The following ACTA2 variants were observed in gnomAD, a reference collection of about 807,000 sequenced individuals.
The protein encoded by ACTA2 is actin alpha 2, smooth muscle.
ACTA2 carries 12 observed loss-of-function variants against 39.5 expected under a neutral mutation model. The ratio of observed to expected loss-of-function variants is 0.30; its 90% confidence interval spans 0.19 to 0.49. The LOEUF (loss-of-function observed/expected upper bound fraction) is 0.49, where lower values mean the gene tolerates loss of function less well. Among genes scored for constraint, ACTA2 ranks in the 20% least tolerant of loss-of-function variants. The pLI, the probability that ACTA2 is intolerant of heterozygous loss-of-function variation, is 0.99. For missense variants in ACTA2, 236 were observed against 498.8 expected (o/e 0.47, Z 5.02); for synonymous variants, 158 against 180.6 (o/e 0.88, Z 1.00).
At chr10:88,939,738 C>T (rs774692456) in intron 6 of ACTA2, 40 bp from the exon 7 acceptor site, 1 of 1,609,412 alleles carries the variant, frequency 6.2e-7, no homozygotes, top group Admixed American at 1.7e-5. Context: ...ACATTAGGGT[C>T]TGCACAGGTG....
chr10:88,981,781 G>A (rs996179860), intron 1 of ACTA2, among the ~76,000 whole-genome samples: 4 of 152,046 alleles, frequency 2.6e-5, no homozygotes, highest in Admixed American at 2.6e-4. Context: ...TGTGCTCGTG[G>A]GTATGTAAAG....
chr10:88,940,917 C>G (rs1157977439), intron 6 of ACTA2: 1 of 364,792 alleles, frequency 2.7e-6, no homozygotes, highest in Non-Finnish European at 5.4e-6. Flanking sequence ...TGCCAATCAC[C>G]ACACCATGCC....
chr10:88,967,553 C>T (rs148150586), intron 1 of ACTA2, among the ~76,000 whole-genome samples: 17 of 152,308 alleles, frequency 1.1e-4, no homozygotes, highest in African/African-American at 3.1e-4. Context: ...TGACAATCCA[C>T]GTTACCTAAG....
chr10:88,953,519 G>C (rs971167124), upstream of ACTA2, among the ~76,000 whole-genome samples: 1 of 152,210 alleles, frequency 6.6e-6, no homozygotes, highest in Non-Finnish European at 1.5e-5. Flanking sequence ...CCAGCAGCCT[G>C]TCAAAGAAGT....
intron 1 of ACTA2, 92 bp from the exon 2 acceptor site, chr10:88,949,045 G>A: frequency 7.9e-7 from 1 of 1,265,768 alleles, no homozygotes; most frequent in Non-Finnish European, 1.1e-6. Flanking sequence ...GGGTTTGGGG[G>A]CCCTCCTCTG....
chr10:88,948,393 G>T, intron 2 of ACTA2: 1 of 182,300 alleles, frequency 5.5e-6, no homozygotes, highest in East Asian at 1.3e-4. Context: ...AATTGCATTT[G>T]GTATCGATGC....
In ACTA2 at chr10:88,962,936, T is replaced by A. The variant is rs1846254201; in HGVS notation, c.-23-13983A>T. ...CCATATATATATATATATATATATATATATATATATATATATATATATATA... is the reference window on the plus strand; with the variant it reads ...CCATATATATATATATATATATATAAATATATATATATATATATATATATA... On this transcript the variant is annotated intron_variant, in intron 1 of 4. Coordinates refer to the ACTA2 transcript ENST00000415557. 3.3e-4 allele frequency among the ~76,000 whole-genome samples: 4 copies of A among 12,146 alleles called. No individual in the cohort carries two copies. The African/African-American group carries it at 3.6e-3, about 11-fold the overall frequency. The allele number at this position is 12,146 out of a possible 152,430, so 8.0% of individuals were successfully genotyped here.
intron 1 of ACTA2, among the ~76,000 whole-genome samples, chr10:88,979,537 G>A (rs1030313936): frequency 6.6e-6 from 1 of 152,102 alleles, no homozygotes; most frequent in African/African-American, 2.4e-5. Context: ...ATGAAGTATG[G>A]GGAAAGAGAA....
chr10:88,990,627 G>T lies in ACTA2; in HGVS notation c.-24+312C>A, dbSNP rs1013137560. On this transcript the variant is annotated intron_variant, in intron 1 of 4. Coordinates refer to the ACTA2 transcript ENST00000415557. The surrounding 1 kb of genome is among the most constrained non-coding windows in gnomAD (Gnocchi z 4.9). ...TCCTTCCCATCCTCCTGACCACCGG[G>T]GCTTTTCGTGAGCTCGTCTCTGATC... The T allele has an allele frequency of 2.9e-6, 2 of 690,670 alleles. No homozygotes were observed. Among genetic ancestry groups the T allele is most frequent in the South Asian group, 3.0e-5 (2 of 66,586 alleles). 42.8% of individuals were successfully genotyped at this position (690,670 alleles called of 1,614,324 possible). A position where few individuals can be genotyped will look rare whatever the true frequency, so the allele number is the denominator to read the frequency against.
At chr10:88,935,474 G>T (rs2133238608) in intron 8 of ACTA2, 108 bp from the exon 9 acceptor site, 3 of 1,304,918 alleles carry the variant, frequency 2.3e-6, no homozygotes, top group Non-Finnish European at 3.3e-6. Flanking sequence ...TTCTTGTTCA[G>T]CAGGGACACA....
In ACTA2 at chr10:88,939,488, A is replaced by G; in HGVS notation, c.808+19T>C. 1.9e-6 allele frequency: 3 copies of G among 1,612,328 alleles called. No homozygotes were observed. Among genetic ancestry groups the G allele is most frequent in the Non-Finnish European group, 2.5e-6 (3 of 1,179,828 alleles). ...AGACAATGACTCCCCTTCCCAGGAA[A>G]AGGGCGTTTGTTGCCTACCGATGAA... is the stretch of plus-strand genomic sequence containing the variant. On this transcript the variant is annotated intron_variant, in intron 7 of 8. Transcript: ENST00000224784.
intron 1 of ACTA2, chr10:88,973,462 G>A (rs1846494692): frequency 2.2e-6 from 2 of 904,606 alleles, no homozygotes; most frequent in East Asian, 3.0e-5. Flanking sequence ...AGAAAAACAC[G>A]TCATTTCATC....
intron 1 of ACTA2, among the ~76,000 whole-genome samples, chr10:88,968,928 G>C (rs1846372153): frequency 6.6e-6 from 1 of 152,026 alleles, no homozygotes; most frequent in Non-Finnish European, 1.5e-5. Flanking sequence ...ACTTTGTGTA[G>C]GTTTGGTATT....
Position 88,941,291 on chromosome 10 carries a change from C to T in ACTA2, c.554G>A (p.Arg185Gln), listed in dbSNP as rs1057521105. Residue 185 changes from arginine to glutamine, a missense_variant, in exon 6 of 9, where the codon CGA (arginine) becomes CAA (glutamine). Arg to Gln is a conservative substitution (Grantham distance 43, BLOSUM62 1). Transcript: ENST00000224784. ...HAIMRLDLAG[R>Q]DLTDYLMKIL... ...CTTCATGAGGTAGTCAGTGAGATCT[C>T]GGCCAGCCAGATCCAGACGCATGAT... 1.2e-6 allele frequency: 2 copies of T among 1,611,806 alleles called. No homozygotes were observed. Among genetic ancestry groups the T allele is most frequent in the Non-Finnish European group, 8.5e-7 (1 of 1,179,248 alleles).
rs60878394 is a variant in ACTA2 at position 88,962,912 on chromosome 10, CATATATATATATATATATATAT to C, written c.-23-13981_-23-13960del. On this transcript the variant is annotated intron_variant, in intron 1 of 4. Coordinates refer to the ACTA2 transcript ENST00000415557. The stretch of plus-strand genomic sequence containing the variant: ...AGAGAGTGAGTGCAGGGGAATGCCC[CATATATATATATATATATATAT>C]ATATATATATATATATATATATATA... Among the ~76,000 whole-genome samples, 400 of 101,502 alleles carry C rather than the reference CATATATATATATATATATATAT, an allele frequency of 3.9e-3. 2 individuals are homozygous for C. Among genetic ancestry groups the C allele is most frequent in the Middle Eastern group, 0.018 (3 of 168 alleles). The allele number at this position is 101,502 out of a possible 152,430, so 66.6% of individuals were successfully genotyped here. A position where few individuals can be genotyped will look rare whatever the true frequency, so the allele number is the denominator to read the frequency against.
chr10:88,960,415 T>A (rs1252740344), intron 1 of ACTA2, among the ~76,000 whole-genome samples: 3 of 152,178 alleles, frequency 2.0e-5, no homozygotes, highest in Admixed American at 2.0e-4. Flanking sequence ...ACCAGATCAC[T>A]GCTCCTCTAA....
At chr10:88,962,235 T>C (rs546103144) in intron 1 of ACTA2, among the ~76,000 whole-genome samples, 1 of 152,168 alleles carries the variant, frequency 6.6e-6, no homozygotes, top group Non-Finnish European at 1.5e-5. Flanking sequence ...TTTAAAATGA[T>C]GGCAATTAAC....
intron 8 of ACTA2, 144 bp from the exon 9 acceptor site, chr10:88,935,510 G>T: frequency 2.3e-6 from 2 of 877,034 alleles, no homozygotes; most frequent in Non-Finnish European, 3.7e-6. Context: ...TGCCAATTGT[G>T]TCCTAATTGT....
At chr10:88,954,288 T>A (rs1486637333), upstream of ACTA2, among the ~76,000 whole-genome samples, 3 of 152,154 alleles carry the variant, frequency 2.0e-5, no homozygotes, top group Non-Finnish European at 4.4e-5. Context: ...GATTAGAAAA[T>A]TTTAAATAGC....
Sources: gnomAD v4.1 joint callset for allele counts (sites outside exome capture counted in the v4.1 genomes callset) on GRCh38, gnomAD v4.1.1 for gene constraint, Gnocchi (gnomAD v3.1) non-coding constraint, MANE v1.5 for transcripts, NCBI Gene and HGNC (gene_info 2026-07-23, HGNC 2026-07-21) for gene names.